The following BAG3 variants were observed in gnomAD, a reference collection of about 807,000 sequenced individuals.
The protein encoded by BAG3 is BAG family molecular chaperone regulator 3.
Under a neutral mutation model 40.5 loss-of-function variants are expected in BAG3, and 14 were observed. The observed-to-expected ratio is 0.35, with a 90% CI of 0.23 to 0.54. The LOEUF is 0.54. BAG3 is among the 20% of genes least tolerant of loss of function. The pLI, the probability that BAG3 is intolerant of heterozygous loss-of-function variation, is 0.91. For missense variants in BAG3, 788 were observed against 758.6 expected (o/e 1.04, Z -0.46); for synonymous variants, 302 against 307.8 (o/e 0.98, Z 0.20).
At position 119,670,128 on chromosome 10, in the gene BAG3, AGGTGGCAGCGGC is replaced by A; in HGVS notation, c.461_472del (p.Val154_Ala157del). ...ACTCAGCCAGATAAACAGTGTGGAC[AGGTGGCAGCGGC>A]GGCGGCAGCCCAGCCCCCAGCCTCC... On this transcript the variant is annotated inframe_deletion, in exon 2 of 4. Transcript: ENST00000369085. The A allele has an allele frequency of 6.2e-7, 1 of 1,612,970 alleles. No individual in the cohort carries two copies. The highest frequency in any genetic ancestry group is 8.5e-7 in the Non-Finnish European group (1 of 1,179,308).
chr10:119,662,215 G>GTTTTTTTTTTTTTTTTT (rs367864009), intron 1 of BAG3, among the ~76,000 whole-genome samples: 2 of 90,396 alleles, frequency 2.2e-5, no homozygotes, highest in Non-Finnish European at 2.2e-5. Context: ...GCCTGGCTAT[G>GTTTTTTTTTTTTTTTTT]TTTTTTTTTT....
chr10:119,665,332 G>A (rs1847049796), intron 1 of BAG3, among the ~76,000 whole-genome samples: 1 of 151,552 alleles, frequency 6.6e-6, no homozygotes, highest in African/African-American at 2.4e-5. Flanking sequence ...AGTAGAGATG[G>A]GGTTTCACCG....
Position 119,672,171 on chromosome 10 carries a change from G to T in BAG3, c.508-84G>T. ...CTTACAATATGGATTGCCCTGAGGA[G>T]GTGCACAGCAGAAGGCGTGGTCAGG... On this transcript the variant is annotated intron_variant, in intron 2 of 3. Transcript: ENST00000369085. The surrounding 1 kb of genome is among the most constrained non-coding windows in gnomAD (Gnocchi z 4.8). The T allele has an allele frequency of 6.4e-7, 1 of 1,551,668 alleles. No homozygotes were observed. Among genetic ancestry groups the T allele is most frequent in the Non-Finnish European group, 8.8e-7 (1 of 1,134,256 alleles).
At chr10:119,673,297 C>T (rs149018895) in intron 3 of BAG3, among the ~76,000 whole-genome samples, 30 of 152,322 alleles carry the variant, frequency 2.0e-4, no homozygotes, top group Admixed American at 7.2e-4. Context: ...CAGAAGTGTT[C>T]ATTTTATCTC....
intron 1 of BAG3, among the ~76,000 whole-genome samples, chr10:119,656,155 T>G (rs908951909): frequency 4.6e-5 from 7 of 152,186 alleles, no homozygotes; most frequent in African/African-American, 9.7e-5. Flanking sequence ...TTTTGCTGTT[T>G]TAATATTGCT....
intron 1 of BAG3, among the ~76,000 whole-genome samples, chr10:119,663,934 C>T (rs1282740487): frequency 6.6e-6 from 1 of 152,126 alleles, no homozygotes; most frequent in Admixed American, 6.5e-5. Context: ...CTTCGATACC[C>T]CAAGTGCTGG....
At position 119,674,686 on chromosome 10, in the gene BAG3, C is replaced by T. The variant is rs561161827; in HGVS notation, c.910-1778C>T. Among the ~76,000 whole-genome samples, 7 of 152,298 alleles carry T rather than the reference C, an allele frequency of 4.6e-5. No homozygotes were observed. The East Asian group carries it at 9.6e-4, about 21-fold the overall frequency. On this transcript the variant is annotated intron_variant, in intron 3 of 3. Transcript: ENST00000369085. ...GAATAAGAGCCAAGATAAGGCCAAG[C>T]GCAGTGGCTCACGCCTGTAATCCTG...
intron 1 of BAG3, among the ~76,000 whole-genome samples, chr10:119,667,517 G>A (rs539179707): frequency 6.6e-6 from 1 of 152,276 alleles, no homozygotes; most frequent in South Asian, 2.1e-4. Flanking sequence ...AGAAATAGAG[G>A]TACGAATCAC....
rs1197677178 is a variant in BAG3, at chr10:119,676,909, T to C, written c.1355T>C (p.Leu452Pro). 1.2e-6 allele frequency: 2 copies of C among 1,614,058 alleles called. No individual in the cohort carries two copies. The highest frequency in any genetic ancestry group is 2.7e-5 in the African/African-American group (2 of 74,906). Residue 452 changes from leucine (L) to proline (P), a missense_variant, in exon 4 of 4, where the codon CTG becomes CCG. By Grantham distance (98) the Leu-to-Pro change is moderately conservative. Coordinates refer to ENST00000369085, the MANE Select transcript of BAG3 (RefSeq NM_004281.4). The part of the protein sequence containing the change: ...FEGKKTDKKY[L>P]MIEEYLTKEL... ...GGCAAGAAGACTGACAAAAAGTACCTGATGATCGAAGAGTATTTGACCAAA... is the reference window on the plus strand; with the variant it reads ...GGCAAGAAGACTGACAAAAAGTACCCGATGATCGAAGAGTATTTGACCAAA...
chr10:119,664,930 G>GT (rs1283437888), intron 1 of BAG3, among the ~76,000 whole-genome samples: 2 of 151,748 alleles, frequency 1.3e-5, no homozygotes, highest in African/African-American at 2.4e-5. Flanking sequence ...GTGTGTGAGA[G>GT]TTTTTTTGGC....
chr10:119,672,346 A>C lies in BAG3; in HGVS notation c.599A>C (p.Gln200Pro), dbSNP rs1212097826. 6.2e-7 allele frequency: 1 copy of C among 1,613,910 alleles called. No individual in the cohort carries two copies. The highest frequency in any genetic ancestry group is 1.1e-5 in the South Asian group (1 of 91,072). ...SSGRSSLGSH[Q>P]LPRGYISIPV... Reference sequence around the variant, plus strand: ...GGCAGGAGCAGCCTGGGCAGTCACCAGCTCCCGCGGGGGTACATCTCCATT... The same window carrying C: ...GGCAGGAGCAGCCTGGGCAGTCACCCGCTCCCGCGGGGGTACATCTCCATT... Residue 200 changes from glutamine to proline, a missense_variant, in exon 3 of 4, where the codon CAG (glutamine) becomes CCG (proline). Coordinates refer to ENST00000369085, the MANE Select transcript of BAG3 (RefSeq NM_004281.4). The surrounding 1 kb of genome is among the most constrained non-coding windows in gnomAD (Gnocchi z 4.8).
intron 1 of BAG3, among the ~76,000 whole-genome samples, chr10:119,660,123 G>T (rs1451288487): frequency 1.3e-5 from 2 of 152,234 alleles, no homozygotes; most frequent in African/African-American, 4.8e-5. Context: ...ATGGTGCCTG[G>T]CCTGGAGACG....
At chr10:119,662,429 G>A (rs1847006939) in intron 1 of BAG3, among the ~76,000 whole-genome samples, 1 of 151,942 alleles carries the variant, frequency 6.6e-6, no homozygotes, top group African/African-American at 2.4e-5. Flanking sequence ...AGGCGAGCCA[G>A]GCCACTTAAT....
At chr10:119,671,771 GTGTTT>G (rs553457382) in intron 2 of BAG3, among the ~76,000 whole-genome samples, 20 of 152,238 alleles carry the variant, frequency 1.3e-4, no homozygotes, top group Admixed American at 3.3e-4. Context: ...GTGTGTGTGT[GTGTTT>G]TGTTTTGTTT....
chr10:119,671,569 C>T (rs1482098203), intron 2 of BAG3, among the ~76,000 whole-genome samples: 1 of 152,152 alleles, frequency 6.6e-6, no homozygotes, highest in Non-Finnish European at 1.5e-5. Context: ...GGGGACAACA[C>T]ATCCCTTGTA....
At chr10:119,666,356 G>A (rs1231019178) in intron 1 of BAG3, among the ~76,000 whole-genome samples, 2 of 152,060 alleles carry the variant, frequency 1.3e-5, no homozygotes, top group Non-Finnish European at 2.9e-5. Flanking sequence ...CCACTCTTCT[G>A]ACACCACTGC....
chr10:119,665,141 TATA>T (rs1286047428), intron 1 of BAG3, among the ~76,000 whole-genome samples: 1,729 of 85,880 alleles, frequency 0.02, 85 homozygotes, highest in Middle Eastern at 0.068. Context: ...TATATATATA[TATA>T]TTTTTTTTTT....
intron 1 of BAG3, among the ~76,000 whole-genome samples, chr10:119,655,919 G>A (rs1428214930): frequency 1.3e-5 from 2 of 152,148 alleles, no homozygotes; most frequent in Non-Finnish European, 2.9e-5. Flanking sequence ...GGCTGGGAAG[G>A]CTTAACTGTT....
chr10:119,668,671 C>T (rs1254993764), intron 1 of BAG3, among the ~76,000 whole-genome samples: 1 of 152,240 alleles, frequency 6.6e-6, no homozygotes, highest in East Asian at 1.9e-4. Context: ...ACTTGGCCTT[C>T]TCAAGGGTCC....
Sources: gnomAD v4.1 joint callset for allele counts (sites outside exome capture counted in the v4.1 genomes callset) on GRCh38, gnomAD v4.1.1 for gene constraint, Gnocchi (gnomAD v3.1) non-coding constraint, MANE v1.5 for transcripts, NCBI Gene and HGNC (gene_info 2026-07-23, HGNC 2026-07-21) for gene names.